The following SPDYE2B variants were observed in gnomAD, a reference collection of about 807,000 sequenced individuals.
SPDYE2B encodes speedy protein E2B.
At chr7:102,655,762 AT>A (rs1488450172) in intron 4 of SPDYE2B, among the ~76,000 whole-genome samples, 11 of 30,550 alleles carry the variant, frequency 3.6e-4, no homozygotes, top group African/African-American at 6.8e-4. Flanking sequence ...TAATAAATAA[AT>A]AAAAATAAAA....
chr7:102,654,259 A>G (rs1791809965), intron 3 of SPDYE2B, among the ~76,000 whole-genome samples: 1 of 90,430 alleles, frequency 1.1e-5, no homozygotes, highest in South Asian at 5.9e-4. Flanking sequence ...CAGGTGGAAG[A>G]GGTTGCTTTG....
chr7:102,654,313 A>T (rs1791812912), intron 3 of SPDYE2B, among the ~76,000 whole-genome samples: 1 of 95,812 alleles, frequency 1.0e-5, no homozygotes, highest in African/African-American at 4.8e-5. Context: ...TGAGAGAGTG[A>T]GACGCTGTCT....
chr7:102,654,153 A>G (rs1791804433), intron 3 of SPDYE2B, among the ~76,000 whole-genome samples: 1 of 127,488 alleles, frequency 7.8e-6, no homozygotes, highest in South Asian at 3.1e-4. Context: ...AGACCAATAT[A>G]GCGAAACCTC....
At chr7:102,654,241 CTTGAACCCAGGTGGAAGAGGTTGCT>C (rs1791808789) in intron 3 of SPDYE2B, among the ~76,000 whole-genome samples, 1 of 98,832 alleles carries the variant, frequency 1.0e-5, no homozygotes, top group Non-Finnish European at 2.0e-5. Flanking sequence ...AGGATAATCG[CTTGAACCCAGGTGGAAGAGGTTGCT>C]TTGAGCCAAG....
intron 5 of SPDYE2B, among the ~76,000 whole-genome samples, chr7:102,657,321 G>A (rs1257829960): frequency 1.4e-3 from 25 of 17,350 alleles, no homozygotes; most frequent in African/African-American, 2.7e-3. Flanking sequence ...AGATCCCATC[G>A]GAGCCCACCA....
chr7:102,654,451 C>T (rs1322370319), intron 3 of SPDYE2B, among the ~76,000 whole-genome samples: 2 of 79,890 alleles, frequency 2.5e-5, no homozygotes, highest in Admixed American at 2.8e-4. Flanking sequence ...AATCCCAGCA[C>T]TTTGGGAGGC....
At position 102,662,091 on chromosome 7, in the gene SPDYE2B, T is replaced by G. The variant is rs867150290; in HGVS notation, c.*991T>G. On this transcript the variant is annotated 3_prime_UTR_variant, in exon 9 of 9. Transcript: ENST00000507450. ...TTATTTAAATATTATTTTATTTATTTAAATATTTATTAAATATATTTATTT... is the reference window on the plus strand; with the variant it reads ...TTATTTAAATATTATTTTATTTATTGAAATATTTATTAAATATATTTATTT... Among the ~76,000 whole-genome samples, 51 of 78,398 alleles carry G rather than the reference T, an allele frequency of 6.5e-4. 1 individual carries two copies. The highest frequency in any genetic ancestry group is 1.7e-3 in the African/African-American group (47 of 28,178). The allele number at this position is 78,398 out of a possible 152,430, so 51.4% of individuals were successfully genotyped here.
chr7:102,662,263 G>C lies in SPDYE2B; in HGVS notation c.*1163G>C, dbSNP rs1791953230. On this transcript the variant is annotated 3_prime_UTR_variant, in exon 9 of 9. Transcript: ENST00000507450. The stretch of plus-strand genomic sequence containing the variant: ...TAATTTTGTTTTCCTTTTTAAGAGA[G>C]GATTCTTTTCATCCTAAATCTTTTA... Among the ~76,000 whole-genome samples, 1 of 25,384 alleles carries C rather than the reference G, an allele frequency of 3.9e-5. No individual in the cohort carries two copies. The highest frequency in any genetic ancestry group is 6.6e-5 in the African/African-American group (1 of 15,052). 16.7% of individuals were successfully genotyped at this position (25,384 alleles called of 152,430 possible).
rs1197926075 is a variant in SPDYE2B at position 102,662,074 on chromosome 7, ATAT to A, written c.*979_*981del. 1.4e-5 allele frequency among the ~76,000 whole-genome samples: 1 copy of A among 71,944 alleles called. No homozygotes were observed. Among genetic ancestry groups the A allele is most frequent in the African/African-American group, 3.6e-5 (1 of 27,752 alleles). 47.2% of individuals were successfully genotyped at this position (71,944 alleles called of 152,430 possible). On this transcript the variant is annotated 3_prime_UTR_variant, in exon 9 of 9. Coordinates refer to ENST00000507450, the MANE Select transcript of SPDYE2B (RefSeq NM_001166339.2). Reference sequence around the variant, plus strand: ...AAAACATGGGTATAGAATTATTTAAATATTATTTTATTTATTTAAATATTTATT... The same window carrying A: ...AAAACATGGGTATAGAATTATTTAAATATTTTATTTATTTAAATATTTATT...
intron 3 of SPDYE2B, 36 bp from the exon 4 acceptor site, chr7:102,654,948 A>C (rs1452098724): frequency 5.7e-5 from 1 of 17,592 alleles, no homozygotes; most frequent in Non-Finnish European, 1.6e-4. Context: ...GATCAACTGC[A>C]GAAGCATTAC....
intron 5 of SPDYE2B, among the ~76,000 whole-genome samples, chr7:102,656,555 T>C (rs1791884424): frequency 2.7e-5 from 1 of 36,880 alleles, no homozygotes; most frequent in African/African-American, 5.5e-5. Context: ...CAAGCGATTC[T>C]CCTGCCTCAG....
chr7:102,655,017 C>T lies in SPDYE2B; in HGVS notation c.413C>T (p.Ser138Phe), dbSNP rs1308882960. The T allele has an allele frequency of 3.1e-4, 7 of 22,606 alleles. No individual in the cohort carries two copies. The highest frequency in any genetic ancestry group is 2.6e-3 in the African/African-American group (7 of 2,744). 1.4% of individuals were successfully genotyped at this position (22,606 alleles called of 1,614,324 possible). ...GTAGATCCCAGCCCCCCGCATAGGT[C>T]CTTTTGCTGGAAAAGGAAGATGGAG... ...PGVDPSPPHR[S>F]FCWKRKMEWW... The change falls in exon 4 of 9, where the codon TCC becomes TTC. Residue 138 changes from serine (S) to phenylalanine (F), a missense_variant. By Grantham distance (155) the Ser-to-Phe change is radical. Coordinates refer to ENST00000507450, the MANE Select transcript of SPDYE2B (RefSeq NM_001166339.2).
intron 6 of SPDYE2B, among the ~76,000 whole-genome samples, chr7:102,659,276 T>C (rs1234454725): frequency 1.5e-4 from 23 of 151,586 alleles, no homozygotes; most frequent in Non-Finnish European, 1.9e-4. Flanking sequence ...TCTCAAGCGA[T>C]CCACCTGCTT....
At chr7:102,654,325 A>C (rs1791815922) in intron 3 of SPDYE2B, among the ~76,000 whole-genome samples, 1 of 6,494 alleles carries the variant, frequency 1.5e-4, no homozygotes, top group Non-Finnish European at 3.3e-4. Flanking sequence ...ACGCTGTCTC[A>C]AAAAAAAAAA....
chr7:102,659,277 C>A (rs1204974537), intron 6 of SPDYE2B, among the ~76,000 whole-genome samples: 1 of 151,888 alleles, frequency 6.6e-6, no homozygotes, highest in Admixed American at 6.6e-5. Flanking sequence ...CTCAAGCGAT[C>A]CACCTGCTTC....
rs1399207884 is a variant in SPDYE2B, at chr7:102,662,257, AAG to A, written c.*1162_*1163del. On this transcript the variant is annotated 3_prime_UTR_variant, in exon 9 of 9. Coordinates refer to ENST00000507450, the MANE Select transcript of SPDYE2B (RefSeq NM_001166339.2). ...TACATATAATTTTGTTTTCCTTTTT[AAG>A]AGAGGATTCTTTTCATCCTAAATCT... 3.5e-5 allele frequency among the ~76,000 whole-genome samples: 1 copy of A among 28,220 alleles called. No homozygotes were observed. The highest frequency in any genetic ancestry group is 6.2e-5 in the African/African-American group (1 of 16,156). The allele number at this position is 28,220 out of a possible 152,430, so 18.5% of individuals were successfully genotyped here. A position where few individuals can be genotyped will look rare whatever the true frequency, so the allele number is the denominator to read the frequency against.
At chr7:102,654,201 T>G (rs2133546555) in intron 3 of SPDYE2B, among the ~76,000 whole-genome samples, 1 of 99,502 alleles carries the variant, frequency 1.0e-5, no homozygotes, top group Middle Eastern at 4.6e-3. Context: ...CAGGCATGCT[T>G]GTTATCCCAG....
chr7:102,657,273 C>T (rs1554352081), intron 5 of SPDYE2B, among the ~76,000 whole-genome samples: 3 of 68,086 alleles, frequency 4.4e-5, no homozygotes, highest in South Asian at 7.2e-4. Context: ...CACAAAAGAC[C>T]CTCCTGACAC....
intron 5 of SPDYE2B, 123 bp downstream of exon 5, chr7:102,656,429 T>TA (rs1791873241): frequency 8.9e-6 from 4 of 449,312 alleles, no homozygotes; most frequent in African/African-American, 7.8e-5. Flanking sequence ...TCTTTTTTTT[T>TA]TTTTTTTTTT....
Sources: gnomAD v4.1 joint callset for allele counts (sites outside exome capture counted in the v4.1 genomes callset) on GRCh38, gnomAD v4.1.1 for gene constraint, MANE v1.5 for transcripts, NCBI Gene and HGNC (gene_info 2026-07-23, HGNC 2026-07-21) for gene names.